Variants in SLC24A5 observed in about 807,000 individuals in gnomAD.
SLC24A5 encodes the protein sodium/potassium/calcium exchanger 5.
A neutral mutation model predicts 51.6 loss-of-function variants in SLC24A5; 46 were observed. The observed-to-expected ratio is 0.89, with a 90% confidence interval of 0.70 to 1.14. The LOEUF (loss-of-function observed/expected upper bound fraction) is 1.14. Ranked by LOEUF, SLC24A5 falls within the 50% of genes most tolerant of loss-of-function variation. The pLI is 0.00. For synonymous variants in SLC24A5, 230 were observed against 214.9 expected, an observed-to-expected ratio of 1.07 and a Z score of -0.62; for missense variants, 581 against 604.1, an observed-to-expected ratio of 0.96 and a Z score of 0.40.
intron 2 of SLC24A5, chr15:48,122,832 G>A (rs1296574059): frequency 6.6e-6 from 1 of 152,070 alleles, no homozygotes; most frequent in East Asian, 1.9e-4. Flanking sequence ...TATTTATTTG[G>A]CTGAGCATGC....
At chr15:48,131,456 G>T (rs561736851) in intron 2 of SLC24A5, among the ~76,000 whole-genome samples, 2 of 151,854 alleles carry the variant, frequency 1.3e-5, no homozygotes, top group African/African-American at 4.8e-5. Context: ...CCTTTCCTAG[G>T]GGGTGAGTTC....
At chr15:48,125,136 G>A (rs74011907) in intron 2 of SLC24A5, among the ~76,000 whole-genome samples, 2 of 151,910 alleles carry the variant, frequency 1.3e-5, no homozygotes, top group African/African-American at 4.8e-5. Flanking sequence ...CACCCATTTT[G>A]TCAACTAATA....
At chr15:48,140,315 TC>T (rs1190438455) in intron 7 of SLC24A5, 2 of 151,836 alleles carry the variant, frequency 1.3e-5, no homozygotes, top group African/African-American at 4.8e-5. Context: ...AATTCCAATA[TC>T]AATGTATAAG....
chr15:48,135,626 G>A (rs1184806346), intron 5 of SLC24A5: 2 of 151,608 alleles, frequency 1.3e-5, no homozygotes, highest in Non-Finnish European at 2.9e-5. Flanking sequence ...CACTATGCTA[G>A]ATATCATAAG....
chr15:48,137,098 T>A (rs2034964853), intron 6 of SLC24A5, 135 bp downstream of exon 6: 3 of 913,222 alleles, frequency 3.3e-6, no homozygotes, highest in Non-Finnish European at 4.8e-6. Context: ...AAAGACCAAG[T>A]CCCTACCTTT....
At chr15:48,127,147 G>C (rs2038740367) in intron 2 of SLC24A5, among the ~76,000 whole-genome samples, 1 of 152,190 alleles carries the variant, frequency 6.6e-6, no homozygotes, top group South Asian at 2.1e-4. Context: ...TCTCAGCTGT[G>C]AAACAGGGTG....
At chr15:48,134,802 T>C (rs1403507904) in intron 4 of SLC24A5, 82 bp from the exon 5 acceptor site, 1 of 1,099,594 alleles carries the variant, frequency 9.1e-7, no homozygotes, top group East Asian at 2.6e-5. Flanking sequence ...ACTACAAATA[T>C]ATAAACAATT....
intron 7 of SLC24A5, chr15:48,140,518 T>C (rs2039033420): frequency 1.3e-5 from 2 of 152,122 alleles, no homozygotes. Context: ...TGACCTGACA[T>C]CAAATTTAAC....
intron 5 of SLC24A5, 157 bp from the exon 6 acceptor site, chr15:48,136,526 A>T: frequency 1.6e-6 from 1 of 638,748 alleles, no homozygotes; most frequent in Non-Finnish European, 2.6e-6. Flanking sequence ...GCTGTAATCA[A>T]GTCTGGACAA....
At chr15:48,131,477 G>T (rs2038789618) in intron 2 of SLC24A5, among the ~76,000 whole-genome samples, 1 of 151,858 alleles carries the variant, frequency 6.6e-6, no homozygotes, top group South Asian at 2.1e-4. Flanking sequence ...TCTCTCTTTA[G>T]TTCCTTTACA....
Position 48,121,105 on chromosome 15 carries a change from G to A in SLC24A5, c.61G>A (p.Ala21Thr), listed in dbSNP as rs761765419. The A allele has an allele frequency of 6.2e-7, 1 of 1,613,914 alleles. No individual in the cohort carries two copies. The highest frequency in any genetic ancestry group is 8.5e-7 in the Non-Finnish European group (1 of 1,179,922). The change falls in exon 1 of 9, where the codon GCC becomes ACC. Residue 21 changes from alanine to threonine, a missense_variant. By Grantham distance (58) the Ala-to-Thr change is moderately conservative. Coordinates refer to ENST00000341459, the MANE Select transcript of SLC24A5 (RefSeq NM_205850.3). ...GGCTCTGTTGCTCGGCATCCTGTGGGCCACTGCACATCTGCCTCTCTCAGG... is the reference window on the plus strand; with the variant it reads ...GGCTCTGTTGCTCGGCATCCTGTGGACCACTGCACATCTGCCTCTCTCAGG... ...RRALLLGILW[A>T]TAHLPLSGTS...
chr15:48,139,293 T>A (rs2038982958), intron 7 of SLC24A5, 118 bp downstream of exon 7: 1 of 736,766 alleles, frequency 1.4e-6, no homozygotes. Context: ...GATTGAAGAT[T>A]AGTACCATTT....
intron 2 of SLC24A5, chr15:48,123,284 T>C (rs949334398): frequency 2.0e-5 from 3 of 151,928 alleles, no homozygotes; most frequent in African/African-American, 7.2e-5. Context: ...TTAATAAAGA[T>C]TAAATTATTT....
chr15:48,123,864 C>T (rs544399536), intron 2 of SLC24A5: 9 of 152,100 alleles, frequency 5.9e-5, no homozygotes, highest in African/African-American at 2.2e-4. Context: ...CTTTAACCTC[C>T]CATTATTTTA....
rs1328384138 is a variant in SLC24A5 at position 48,141,947 on chromosome 15, C to A, written c.1181-82C>A. 11 of 1,016,634 alleles carry A rather than the reference C, an allele frequency of 1.1e-5. No individual in the cohort carries two copies. The African/African-American group carries it at 1.8e-4, about 16-fold the overall frequency. The allele number at this position is 1,016,634 out of a possible 1,614,324, so 63.0% of individuals were successfully genotyped here. A position where few individuals can be genotyped will look rare whatever the true frequency, so the allele number is the denominator to read the frequency against. On this transcript the variant is annotated intron_variant, in intron 8 of 8. Coordinates refer to ENST00000341459, the MANE Select transcript of SLC24A5 (RefSeq NM_205850.3). ...AAACGAATCAACAACAAAAAAGTAT[C>A]CAGTGTTTCTTTTCTTATGAAGATT...
chr15:48,123,103 C>T (rs1200549612), intron 2 of SLC24A5: 1 of 151,838 alleles, frequency 6.6e-6, no homozygotes, highest in African/African-American at 2.4e-5. Flanking sequence ...TCTGTAGGCT[C>T]TAAAACAGTA....
chr15:48,134,759 C>T (rs2038854502), intron 4 of SLC24A5, 125 bp from the exon 5 acceptor site: 1 of 834,960 alleles, frequency 1.2e-6, no homozygotes, highest in South Asian at 1.9e-5. Flanking sequence ...ACATTTTTTT[C>T]TCTAAGCAAT....
intron 6 of SLC24A5, chr15:48,138,226 C>T (rs1878188): frequency 6.6e-6 from 1 of 151,916 alleles, no homozygotes; most frequent in Non-Finnish European, 1.5e-5. Flanking sequence ...AACATGATTT[C>T]ATCCAATTGT....
intron 7 of SLC24A5, chr15:48,140,240 A>G (rs1301724096): frequency 6.6e-6 from 1 of 152,158 alleles, no homozygotes; most frequent in Non-Finnish European, 1.5e-5. Context: ...GATGATAAAT[A>G]TTAGTGTTAT....
Sources: allele counts gnomAD v4.1 joint callset (sites outside exome capture counted in the v4.1 genomes callset), GRCh38; gene constraint gnomAD v4.1.1; transcripts MANE v1.5; gene names NCBI Gene and HGNC (gene_info 2026-07-23, HGNC 2026-07-21).